The following JAM3 variants were observed in gnomAD, a reference collection of about 807,000 sequenced individuals.
JAM3 encodes junctional adhesion molecule C.
In JAM3, 31 loss-of-function variants were observed where a neutral mutation model predicts 39.4. The observed-to-expected ratio is 0.79, with a 90% CI of 0.59 to 1.06. The LOEUF (loss-of-function observed/expected upper bound fraction) is 1.06. Ranked by LOEUF, JAM3 falls within the 50% of genes least tolerant of loss-of-function variation. The pLI is 0.00. For synonymous variants in JAM3, 182 were observed against 148.7 expected, an observed-to-expected ratio of 1.22 and a Z score of -1.63; for missense variants, 455 against 391.4, an observed-to-expected ratio of 1.16 and a Z score of -1.37.
At chr11:134,118,297 T>G (rs186627190) in intron 1 of JAM3, among the ~76,000 whole-genome samples, 1 of 152,276 alleles carries the variant, frequency 6.6e-6, no homozygotes, top group Admixed American at 6.5e-5. Context: ...TTGGTCTGAC[T>G]GGTCTGCAGT....
At position 134,149,566 on chromosome 11, in the gene JAM3, C is replaced by G. The variant is rs1360552949; in HGVS notation, c.*385C>G. On this transcript the variant is annotated 3_prime_UTR_variant, in exon 9 of 9. Coordinates refer to ENST00000299106, the MANE Select transcript of JAM3 (RefSeq NM_032801.5). ...TGGTCGTTCAGCAGCCACGACAGCA[C>G]CATGTGAGATGGCGAGGTGGCTGGA... 1 of 481,008 alleles carries G rather than the reference C, an allele frequency of 2.1e-6. No homozygotes were observed. The highest frequency in any genetic ancestry group is 1.9e-5 in the African/African-American group (1 of 51,322). 29.8% of individuals were successfully genotyped at this position (481,008 alleles called of 1,614,324 possible).
chr11:134,130,002 C>CA lies in JAM3; in HGVS notation c.77-9839dup, dbSNP rs537381988. ...TGGTTACAGAGTGAGATTCTGTCTC[C>CA]AAAAAAAAAAGTCAGTAAGAGTATT... On this transcript the variant is annotated intron_variant, in intron 1 of 8. Coordinates refer to ENST00000299106, the MANE Select transcript of JAM3 (RefSeq NM_032801.5). Among the ~76,000 whole-genome samples, 364 of 142,868 alleles carry CA rather than the reference C, an allele frequency of 2.5e-3. 1 individual carries two copies. The highest frequency in any genetic ancestry group is 4.5e-3 in the Non-Finnish European group (294 of 65,156). 93.7% of individuals were successfully genotyped at this position (142,868 alleles called of 152,430 possible).
chr11:134,123,734 G>C (rs563634766), intron 1 of JAM3: 1 of 594,510 alleles, frequency 1.7e-6, no homozygotes, highest in South Asian at 1.8e-5. Flanking sequence ...CTACTTTGAT[G>C]ACACAGGTAA....
intron 6 of JAM3, 166 bp from the exon 7 acceptor site, chr11:134,148,381 T>C (rs908976926): frequency 3.3e-5 from 25 of 755,868 alleles, no homozygotes; most frequent in Non-Finnish European, 4.5e-5. Flanking sequence ...TCCTATATGT[T>C]CTAGGCTAGA....
At chr11:134,120,619 G>C (rs1169855353) in intron 1 of JAM3, among the ~76,000 whole-genome samples, 3 of 152,186 alleles carry the variant, frequency 2.0e-5, no homozygotes, top group Non-Finnish European at 4.4e-5. Context: ...TTCTGTTCAT[G>C]AGTCAACAAG....
chr11:134,144,196 G>T, intron 3 of JAM3, 45 bp from the exon 4 acceptor site: 1 of 1,612,468 alleles, frequency 6.2e-7, no homozygotes, highest in East Asian at 2.2e-5. Flanking sequence ...AAGTGGCAAA[G>T]ATTTCTTTAA....
intron 1 of JAM3, among the ~76,000 whole-genome samples, chr11:134,078,278 C>A (rs1040461567): frequency 1.3e-5 from 2 of 152,084 alleles, no homozygotes; most frequent in African/African-American, 4.8e-5. Context: ...TGCCACCACA[C>A]CCGGCTAATT....
In JAM3 at chr11:134,149,615, G is replaced by A. The variant is rs769639065; in HGVS notation, c.*434G>A. The A allele has an allele frequency of 7.6e-5, 35 of 463,240 alleles. No individual in the cohort carries two copies. Among genetic ancestry groups the A allele is most frequent in the South Asian group, 4.0e-4 (26 of 64,656 alleles). The allele number at this position is 463,240 out of a possible 1,614,324, so 28.7% of individuals were successfully genotyped here. ...GACAGCACCAGCAGCGCATCCCGGC[G>A]GGAACCCAGAAAAGGCTTCTTACAC... On this transcript the variant is annotated 3_prime_UTR_variant, in exon 9 of 9. Coordinates refer to ENST00000299106, the MANE Select transcript of JAM3 (RefSeq NM_032801.5).
intron 1 of JAM3, among the ~76,000 whole-genome samples, chr11:134,078,664 C>G (rs781533107): frequency 6.6e-6 from 1 of 152,198 alleles, no homozygotes; most frequent in Non-Finnish European, 1.5e-5. Context: ...CACCTGTTTC[C>G]CCTCTCTTAA....
chr11:134,149,081 C>A (rs1267736297), intron 8 of JAM3, 65 bp from the exon 9 acceptor site: 1 of 1,581,508 alleles, frequency 6.3e-7, no homozygotes. Context: ...GTTAGACTTA[C>A]TCCGTGTTTT....
chr11:134,080,780 G>T (rs1941653032), intron 1 of JAM3, among the ~76,000 whole-genome samples: 2 of 152,164 alleles, frequency 1.3e-5, no homozygotes, highest in South Asian at 4.1e-4. Flanking sequence ...CTGAAAATGT[G>T]GAAGAGACTT....
At chr11:134,116,853 A>G (rs186273858) in intron 1 of JAM3, among the ~76,000 whole-genome samples, 1 of 152,202 alleles carries the variant, frequency 6.6e-6, no homozygotes, top group Non-Finnish European at 1.5e-5. Context: ...TTATAGTGGT[A>G]TGTCTGACTC....
chr11:134,134,546 A>G (rs1275380945), intron 1 of JAM3, among the ~76,000 whole-genome samples: 6 of 152,146 alleles, frequency 3.9e-5, no homozygotes, highest in Non-Finnish European at 5.9e-5. Flanking sequence ...CAGTATTTGG[A>G]TTGTATAGTA....
intron 1 of JAM3, among the ~76,000 whole-genome samples, chr11:134,134,743 T>C (rs1347438380): frequency 6.6e-6 from 1 of 152,204 alleles, no homozygotes; most frequent in Non-Finnish European, 1.5e-5. Context: ...GTGGTTTAGA[T>C]TTAATTTCCT....
Position 134,069,120 on chromosome 11 carries a change from G to A in JAM3, c.37G>A (p.Ala13Thr). 1 of 1,612,648 alleles carries A rather than the reference G, an allele frequency of 6.2e-7. No individual in the cohort carries two copies. Among genetic ancestry groups the A allele is most frequent in the Non-Finnish European group, 8.5e-7 (1 of 1,179,378 alleles). ...LRRPPRLRLC[A>T]RLPDFFLLLL... ...GCGGCCACCGCGACTCCGGCTCTGCGCTCGGCTGCCTGACTTCTTCCTGCT... is the reference window on the plus strand; with the variant it reads ...GCGGCCACCGCGACTCCGGCTCTGCACTCGGCTGCCTGACTTCTTCCTGCT... The change falls in exon 1 of 9, where the codon GCT becomes ACT. Residue 13 changes from alanine to threonine, a missense_variant. Coordinates refer to ENST00000299106, the MANE Select transcript of JAM3 (RefSeq NM_032801.5).
intron 1 of JAM3, among the ~76,000 whole-genome samples, chr11:134,128,148 T>C (rs1054183033): frequency 1.3e-5 from 2 of 152,176 alleles, no homozygotes; most frequent in Non-Finnish European, 2.9e-5. Context: ...TGAGCTGATA[T>C]ATTGTTATTA....
intron 4 of JAM3, 69 bp downstream of exon 4, chr11:134,144,462 C>G (rs1943032563): frequency 2.5e-6 from 4 of 1,577,660 alleles, no homozygotes; most frequent in Non-Finnish European, 2.6e-6. Flanking sequence ...GTCTTGGTTT[C>G]TTTCCTTCTA....
intron 1 of JAM3, among the ~76,000 whole-genome samples, chr11:134,123,623 C>T (rs1416934284): frequency 6.6e-6 from 1 of 152,190 alleles, no homozygotes; most frequent in African/African-American, 2.4e-5. Context: ...TTTTCTCTTT[C>T]TCTTTTCTTA....
At chr11:134,128,464 C>T (rs534035035) in intron 1 of JAM3, among the ~76,000 whole-genome samples, 6 of 152,102 alleles carry the variant, frequency 3.9e-5, no homozygotes, top group Non-Finnish European at 8.8e-5. Context: ...GTGTTCCACC[C>T]AAATCTCATC....
Sources: gnomAD v4.1 joint callset for allele counts (sites outside exome capture counted in the v4.1 genomes callset) on GRCh38, gnomAD v4.1.1 for gene constraint, MANE v1.5 for transcripts, NCBI Gene and HGNC (gene_info 2026-07-23, HGNC 2026-07-21) for gene names.